Variants in DNM1 observed in about 807,000 individuals in gnomAD.
The protein encoded by DNM1 is dynamin-1.
Under a neutral mutation model 104.6 loss-of-function variants are expected in DNM1, and 29 were observed. The ratio of observed to expected loss-of-function variants is 0.28; its 90% CI spans 0.21 to 0.38. The LOEUF is 0.38. Among genes scored for constraint, DNM1 ranks in the 10% least tolerant of loss-of-function variants. The probability of loss-of-function intolerance (pLI) is 1.00; values close to 1 mark genes in which losing one functional copy is unlikely to be tolerated. For missense variants in DNM1, 640 were observed against 1,189.4 expected (o/e 0.54, Z 6.79); for synonymous variants, 445 against 475.8 (o/e 0.94, Z 0.84).
chr9:128,231,682 G>A (rs571472641), intron 10 of DNM1, among the ~76,000 whole-genome samples: 2 of 152,290 alleles, frequency 1.3e-5, no homozygotes, highest in Admixed American at 1.3e-4. Flanking sequence ...TGCCAGCCCT[G>A]CTGGGATTAG....
chr9:128,251,191 C>T (rs1829496039), intron 21 of DNM1: 2 of 670,516 alleles, frequency 3.0e-6, no homozygotes, highest in East Asian at 5.8e-5. Context: ...CACCTGCCCC[C>T]TTCTTTCCAG....
chr9:128,221,043 TTCTTTCTC>T (rs1184452523), intron 6 of DNM1: 16 of 147,484 alleles, frequency 1.1e-4, no homozygotes, highest in Admixed American at 6.8e-4. Flanking sequence ...CTTTCTCTCT[TTCTTTCTC>T]TCTTTCTCTC....
At chr9:128,217,195 A>C (rs1834661690) in intron 1 of DNM1, among the ~76,000 whole-genome samples, 1 of 152,198 alleles carries the variant, frequency 6.6e-6, no homozygotes, top group East Asian at 1.9e-4. Flanking sequence ...CTCGGTTCAC[A>C]GGGGGCTGAA....
chr9:128,239,567 C>CGTGGGTGTGTGTGT (rs1836231932), intron 12 of DNM1, 52 bp downstream of exon 12: 1 of 847,318 alleles, frequency 1.2e-6, no homozygotes, highest in African/African-American at 2.0e-5. Flanking sequence ...GAGAAGGTAA[C>CGTGGGTGTGTGTGT]GTGTGTGTGT....
rs1833660978 is a variant in DNM1 at position 128,203,805 on chromosome 9, CG to C, written c.161+178del. 6.7e-6 allele frequency among the ~76,000 whole-genome samples: 1 copy of C among 149,960 alleles called. No homozygotes were observed. The highest frequency in any genetic ancestry group is 6.6e-5 in the Admixed American group (1 of 15,104). ...CCCTCCCCCCACCACGAGAGCCCCT[CG>C]GGGCAGCAGCGCCCCCCGCTAGTCT... On this transcript the variant is annotated intron_variant, in intron 1 of 21. Coordinates refer to ENST00000372923, the MANE Select transcript of DNM1 (RefSeq NM_004408.4). The surrounding 1 kb of genome is among the most constrained non-coding windows in gnomAD (Gnocchi z 5.3).
intron 1 of DNM1, among the ~76,000 whole-genome samples, chr9:128,206,699 T>A (rs1303025200): frequency 1.3e-5 from 2 of 152,046 alleles, no homozygotes; most frequent in Admixed American, 6.5e-5. Flanking sequence ...TTGGTGCCTT[T>A]GAAGAACAGA....
rs1322485269 is a variant in DNM1, at chr9:128,224,001, A to G, written c.1197-250A>G. 1.9e-5 allele frequency: 6 copies of G among 310,352 alleles called. No individual in the cohort carries two copies. The highest frequency in any genetic ancestry group is 3.6e-5 in the Non-Finnish European group (6 of 168,964). 19.2% of individuals were successfully genotyped at this position (310,352 alleles called of 1,614,324 possible). A position where few individuals can be genotyped will look rare whatever the true frequency, so the allele number is the denominator to read the frequency against. On this transcript the variant is annotated intron_variant, in intron 9 of 21. Transcript: ENST00000372923. The surrounding 1 kb of genome is among the most constrained non-coding windows in gnomAD (Gnocchi z 4.3). ...GAGGCGGAGGTTGCAGTGAGCCAAG[A>G]TTGCGCCACTGCACTCCAGCCTGGG...
At chr9:128,226,841 G>A (rs1018224313) in intron 10 of DNM1, among the ~76,000 whole-genome samples, 1 of 151,964 alleles carries the variant, frequency 6.6e-6, no homozygotes, top group Non-Finnish European at 1.5e-5. Flanking sequence ...TCTTCCCAGG[G>A]GAGTGCGAGA....
intron 11 of DNM1, among the ~76,000 whole-genome samples, chr9:128,236,334 C>T (rs1280303843): frequency 6.6e-6 from 1 of 152,206 alleles, no homozygotes; most frequent in East Asian, 1.9e-4. Flanking sequence ...TCCCATTTCC[C>T]ATTTCCTGTT....
rs1003991914 is a variant in DNM1 at position 128,254,566 on chromosome 9, C to T, written c.2535-88C>T. 25 of 1,588,752 alleles carry T rather than the reference C, an allele frequency of 1.6e-5. No homozygotes were observed. The highest frequency in any genetic ancestry group is 1.3e-4 in the African/African-American group (10 of 74,554). The stretch of plus-strand genomic sequence containing the variant: ...CCTCCCACCACTGCTGCGGCGCGGC[C>T]GGCCCCGGCCGTGTGCTGCGCTTGC... On this transcript the variant is annotated intron_variant, in intron 21 of 21. Transcript: ENST00000372923. The surrounding 1 kb of genome is among the most constrained non-coding windows in gnomAD (Gnocchi z 6.1).
intron 1 of DNM1, among the ~76,000 whole-genome samples, chr9:128,204,598 G>A (rs1833789644): frequency 6.6e-6 from 1 of 152,232 alleles, no homozygotes; most frequent in African/African-American, 2.4e-5. Flanking sequence ...CCCCCAAAGG[G>A]AGGCAGAAAT....
intron 1 of DNM1, among the ~76,000 whole-genome samples, chr9:128,210,852 T>A (rs1457846716): frequency 1.3e-5 from 2 of 149,016 alleles, no homozygotes; most frequent in Non-Finnish European, 3.0e-5. Flanking sequence ...TGTCTCCTCC[T>A]CTCCTCTTCC....
At chr9:128,214,023 C>A (rs972552695) in intron 1 of DNM1, among the ~76,000 whole-genome samples, 1 of 152,090 alleles carries the variant, frequency 6.6e-6, no homozygotes, top group Non-Finnish European at 1.5e-5. Flanking sequence ...CCCTTGCAGG[C>A]ACCCCAACTC....
intron 10 of DNM1, among the ~76,000 whole-genome samples, chr9:128,225,496 A>G (rs781321595): frequency 2.6e-5 from 4 of 152,184 alleles, no homozygotes; most frequent in Non-Finnish European, 5.9e-5. Flanking sequence ...GGATGCGGCA[A>G]CCCTAGAGAT....
chr9:128,219,302 G>A (rs1473287344), intron 4 of DNM1, 50 bp downstream of exon 4: 5 of 1,521,304 alleles, frequency 3.3e-6, no homozygotes, highest in Non-Finnish European at 3.6e-6. Flanking sequence ...CTTGCAGGCT[G>A]TCTATTCTTA....
intron 21 of DNM1, 126 bp downstream of exon 21, chr9:128,251,066 A>G: frequency 1.4e-6 from 1 of 714,736 alleles, no homozygotes; most frequent in Admixed American, 2.4e-5. Flanking sequence ...AGGCAATCGG[A>G]CTCTGGGTGC....
chr9:128,251,074 T>A, intron 21 of DNM1, 134 bp downstream of exon 21: 1 of 693,540 alleles, frequency 1.4e-6, no homozygotes, highest in Non-Finnish European at 2.5e-6. Flanking sequence ...GGACTCTGGG[T>A]GCCGGAGCCA....
In DNM1 at chr9:128,253,280, C is replaced by T; in HGVS notation, c.2535-1374C>T. 2 of 763,644 alleles carry T rather than the reference C, an allele frequency of 2.6e-6. No individual in the cohort carries two copies. Among genetic ancestry groups the T allele is most frequent in the African/African-American group, 1.7e-5 (1 of 58,292 alleles). 47.3% of individuals were successfully genotyped at this position (763,644 alleles called of 1,614,324 possible). On this transcript the variant is annotated intron_variant, in intron 21 of 21. Coordinates refer to ENST00000372923, the MANE Select transcript of DNM1 (RefSeq NM_004408.4). The surrounding 1 kb of genome is among the most constrained non-coding windows in gnomAD (Gnocchi z 5.9). The stretch of plus-strand genomic sequence containing the variant: ...GCTGCAGACTTGCTCTTTCCTCTTT[C>T]TGTCCTTGTGCCGCTGGCTCTCTCA...
In DNM1 at chr9:128,215,080, G is replaced by A. The variant is rs149532110; in HGVS notation, c.162-3151G>A. Among the ~76,000 whole-genome samples, 140 of 152,358 alleles carry A rather than the reference G, an allele frequency of 9.2e-4. 1 individual carries two copies. The highest frequency in any genetic ancestry group is 3.0e-3 in the African/African-American group (123 of 41,598). Reference sequence around the variant, plus strand: ...CGGGGCCTGTGCCAGGCAGGAACCCGGAAGTGAGTGAGGAGCTCATTGTCC... The same window carrying A: ...CGGGGCCTGTGCCAGGCAGGAACCCAGAAGTGAGTGAGGAGCTCATTGTCC... On this transcript the variant is annotated intron_variant, in intron 1 of 21. Transcript: ENST00000372923.
Sources: gnomAD v4.1 joint callset for allele counts (sites outside exome capture counted in the v4.1 genomes callset) on GRCh38, gnomAD v4.1.1 for gene constraint, Gnocchi (gnomAD v3.1) non-coding constraint, MANE v1.5 for transcripts, NCBI Gene and HGNC (gene_info 2026-07-23, HGNC 2026-07-21) for gene names.